The following FRMPD4 variants were observed in gnomAD, a reference collection of about 807,000 sequenced individuals.
The protein encoded by FRMPD4 is FERM and PDZ domain containing 4, also known as FERM and PDZ domain-containing protein 4.
FRMPD4 carries 22 observed loss-of-function variants against 94.1 expected under a neutral mutation model. That is an observed-to-expected ratio of 0.23 (90% CI 0.17 to 0.33). The LOEUF is 0.33. Among genes scored for constraint, FRMPD4 ranks in the 10% least tolerant of loss-of-function variants. The pLI, the probability that FRMPD4 is intolerant of heterozygous loss-of-function variation, is 1.00. For missense variants in FRMPD4, 1,111 were observed against 1,339.9 expected (o/e 0.83, Z 2.67); for synonymous variants, 631 against 548.6 (o/e 1.15, Z -2.10).
intron 1 of FRMPD4, among the ~76,000 whole-genome samples, chrX:12,229,965 G>T (rs1022252711): frequency 8.9e-6 from 1 of 111,833 alleles, no homozygotes; most frequent in Non-Finnish European, 1.9e-5. Context: ...TGCTGCATTT[G>T]AATCTTTTGA....
intron 2 of FRMPD4, among the ~76,000 whole-genome samples, chrX:12,544,367 G>T (rs2058452638): frequency 9.0e-6 from 1 of 111,553 alleles, no homozygotes; most frequent in African/African-American, 3.3e-5. Flanking sequence ...CTTTATCTGG[G>T]AGTCACAAGC....
rs185409561 is a variant in FRMPD4 at position 12,038,691 on chromosome X, G to C, written c.95+160673G>C. On this transcript the variant is annotated intron_variant, in intron 3 of 18. Coordinates refer to the FRMPD4 transcript ENST00000640291. ...GGTCTGTGATCAAAATGTCTTCCTA[G>C]GAATTTGTCTATGTCAACTGATGTG... Among the ~76,000 whole-genome samples, 3 of 111,480 alleles carry C rather than the reference G, an allele frequency of 2.7e-5. No homozygotes were observed. In the Admixed American group the frequency reaches 2.8e-4, roughly 11 times the overall value.
At chrX:12,363,730 C>A (rs1165617043) in intron 1 of FRMPD4, among the ~76,000 whole-genome samples, 2 of 112,168 alleles carry the variant, frequency 1.8e-5, no homozygotes, top group African/African-American at 6.5e-5. Context: ...CTCAGACACC[C>A]TACCTTTGAG....
chrX:12,113,199 A>G (rs372474437), intron 3 of FRMPD4, among the ~76,000 whole-genome samples: 1 of 111,443 alleles, frequency 9.0e-6, no homozygotes, highest in African/African-American at 3.3e-5. Flanking sequence ...TTAGCTTATT[A>G]TTGTAACAGA....
At chrX:12,575,319 T>TTC (rs1292482423) in intron 2 of FRMPD4, among the ~76,000 whole-genome samples, 2 of 109,946 alleles carry the variant, frequency 1.8e-5, no homozygotes, top group Admixed American at 9.7e-5. Flanking sequence ...AAGGTCTTTT[T>TTC]TTTTTTTTTC....
intron 1 of FRMPD4, among the ~76,000 whole-genome samples, chrX:12,478,909 T>C (rs1569293244): frequency 8.9e-6 from 1 of 111,764 alleles, no homozygotes; most frequent in Non-Finnish European, 1.9e-5. Context: ...TAAGGCTAAT[T>C]TGGACACTCA....
chrX:12,196,077 CTCA>C (rs1185288885), intron 1 of FRMPD4, among the ~76,000 whole-genome samples: 1 of 111,934 alleles, frequency 8.9e-6, no homozygotes, highest in Admixed American at 9.5e-5. Context: ...TGGTAAAATT[CTCA>C]TCATCTGAGC....
intron 2 of FRMPD4, among the ~76,000 whole-genome samples, chrX:12,587,652 G>A (rs2058944079): frequency 4.0e-5 from 1 of 24,732 alleles, no homozygotes; most frequent in Non-Finnish European, 1.4e-4. Context: ...ATGAGTGTGT[G>A]TGTGTGTGTG....
At chrX:12,264,923 T>G (rs2054248886) in intron 1 of FRMPD4, among the ~76,000 whole-genome samples, 1 of 112,208 alleles carries the variant, frequency 8.9e-6, no homozygotes, top group Non-Finnish European at 1.9e-5. Flanking sequence ...CTAAGTAGGC[T>G]CAGGGTTAAG....
chrX:12,297,247 A>G (rs1203941375), intron 1 of FRMPD4, among the ~76,000 whole-genome samples: 2 of 112,697 alleles, frequency 1.8e-5, no homozygotes, highest in Non-Finnish European at 3.7e-5. Context: ...TGGCTTTTTA[A>G]AAATGGCAAA....
chrX:12,035,617 G>T (rs759455435), intron 3 of FRMPD4, among the ~76,000 whole-genome samples: 37 of 111,775 alleles, frequency 3.3e-4, no homozygotes, highest in Non-Finnish European at 5.6e-4. Flanking sequence ...TATTGATCTA[G>T]TCTGGCCTCT....
At chrX:12,682,758 G>T (rs1296596624) in intron 5 of FRMPD4, among the ~76,000 whole-genome samples, 1 of 112,074 alleles carries the variant, frequency 8.9e-6, no homozygotes, top group Non-Finnish European at 1.9e-5. Flanking sequence ...TTCTGAGGAA[G>T]AATTGTGCCA....
intron 2 of FRMPD4, among the ~76,000 whole-genome samples, chrX:12,573,653 G>A (rs2058781408): frequency 8.9e-6 from 1 of 112,465 alleles, no homozygotes; most frequent in Non-Finnish European, 1.9e-5. Context: ...TTAACTCCCT[G>A]GTTGAGAGAC....
chrX:11,955,732 A>G (rs1335729747), intron 3 of FRMPD4, among the ~76,000 whole-genome samples: 2 of 99,665 alleles, frequency 2.0e-5, no homozygotes, highest in African/African-American at 3.7e-5. Flanking sequence ...ACAGAGCAAG[A>G]CTCCGTCTCA....
At chrX:12,066,017 A>G (rs375045994) in intron 3 of FRMPD4, among the ~76,000 whole-genome samples, 68 of 112,245 alleles carry the variant, frequency 6.1e-4, no homozygotes, top group African/African-American at 2.1e-3. Flanking sequence ...GTTAAATATG[A>G]GAAATTTCAT....
At chrX:12,317,418 A>AAAATTGAC (rs1242664774) in intron 1 of FRMPD4, among the ~76,000 whole-genome samples, 1 of 110,863 alleles carries the variant, frequency 9.0e-6, no homozygotes, top group Non-Finnish European at 1.9e-5. Context: ...AGCCAACATA[A>AAAATTGAC]AAATTGACAA....
intron 3 of FRMPD4, among the ~76,000 whole-genome samples, chrX:11,992,533 T>C (rs1312270586): frequency 3.6e-5 from 4 of 111,633 alleles, no homozygotes; most frequent in Middle Eastern, 4.2e-3. Context: ...TTGCCCTTTT[T>C]TGTTGTAATT....
At chrX:12,149,538 C>T (rs912220817) in intron 1 of FRMPD4, among the ~76,000 whole-genome samples, 2 of 111,973 alleles carry the variant, frequency 1.8e-5, no homozygotes, top group East Asian at 5.6e-4. Context: ...ACTGAATTGC[C>T]GCAATCTCAT....
chrX:12,137,769 A>G (rs1026170373), upstream of FRMPD4, among the ~76,000 whole-genome samples: 1 of 111,734 alleles, frequency 8.9e-6, no homozygotes, highest in Non-Finnish European at 1.9e-5. Flanking sequence ...GCCTAAGGTG[A>G]GTGTTTATGT....
Sources: allele counts gnomAD v4.1 joint callset (sites outside exome capture counted in the v4.1 genomes callset), GRCh38; gene constraint gnomAD v4.1.1; transcripts MANE v1.5; gene names NCBI Gene and HGNC (gene_info 2026-07-23, HGNC 2026-07-21).